The following FADS2 variants were observed in gnomAD, a reference collection of about 807,000 sequenced individuals.
FADS2 encodes acyl-CoA 6-desaturase.
FADS2 carries 18 observed loss-of-function variants against 61.2 expected under a neutral mutation model. That is an observed-to-expected ratio of 0.29 (90% CI 0.20 to 0.44). FADS2 has a LOEUF of 0.44. Among genes scored for constraint, FADS2 ranks in the 20% least tolerant of loss-of-function variants. FADS2 has a pLI of 1.00. For synonymous variants in FADS2, 203 were observed against 223.9 expected (o/e 0.91, Z 0.83); for missense variants, 322 against 572.7 (o/e 0.56, Z 4.47).
chr11:61,822,895 T>C (rs1388367319), intron 1 of FADS2, among the ~76,000 whole-genome samples: 4 of 152,236 alleles, frequency 2.6e-5, no homozygotes, highest in East Asian at 1.9e-4. Context: ...TTTTTGTATA[T>C]AGATATTGGT....
At chr11:61,827,024 C>A (rs1444747858), upstream of FADS2, among the ~76,000 whole-genome samples, 2 of 152,152 alleles carry the variant, frequency 1.3e-5, no homozygotes, top group Non-Finnish European at 2.9e-5. This position sits in a 1 kb window ranked among gnomAD's most constrained non-coding sequence, Gnocchi z 4.5. Context: ...AATCTGAGGG[C>A]CCTATAACTC....
At chr11:61,829,352 AGGTTACTCTCG>A (rs1188774107) in intron 1 of FADS2, 2 of 152,322 alleles carry the variant, frequency 1.3e-5, no homozygotes, top group East Asian at 3.9e-4. Context: ...TCTGCACTCG[AGGTTACTCTCG>A]GGCGTTCAAC....
upstream of FADS2, among the ~76,000 whole-genome samples, chr11:61,824,492 AAGAAAGAAAG>A (rs1565325432): frequency 5.7e-3 from 66 of 11,610 alleles, 3 homozygotes; most frequent in African/African-American, 9.5e-3. Context: ...GAGAGAGAGA[AAGAAAGAAAG>A]GAAAGAAAGA....
upstream of FADS2, among the ~76,000 whole-genome samples, chr11:61,826,930 A>T (rs1215040572): frequency 2.6e-5 from 4 of 152,152 alleles, no homozygotes; most frequent in Non-Finnish European, 5.9e-5. Context: ...ATGTAATAAT[A>T]TGCGTCCTGT....
chr11:61,817,024 C>G (rs965476130), intron 1 of FADS2: 1 of 1,306,124 alleles, frequency 7.7e-7, no homozygotes, highest in Non-Finnish European at 9.8e-7. Context: ...CCCTCGCGGG[C>G]TCCCTAAAGG....
At chr11:61,842,172 C>A (rs911482565) in intron 4 of FADS2, among the ~76,000 whole-genome samples, 3 of 152,202 alleles carry the variant, frequency 2.0e-5, no homozygotes, top group African/African-American at 7.2e-5. Flanking sequence ...ACCCAGACCG[C>A]AACGGGGCCC....
At chr11:61,824,488 G>GAAAGAAA (rs1460124325), upstream of FADS2, among the ~76,000 whole-genome samples, 10 of 54,254 alleles carry the variant, frequency 1.8e-4, 1 homozygote, top group African/African-American at 6.3e-4. Flanking sequence ...GAGAGAGAGA[G>GAAAGAAA]AGAAAGAAAG....
chr11:61,823,547 C>G (rs1591161076), upstream of FADS2, among the ~76,000 whole-genome samples: 1 of 152,164 alleles, frequency 6.6e-6, no homozygotes, highest in Admixed American at 6.5e-5. Flanking sequence ...GGGTCTTGCT[C>G]TGTCTTGCAC....
chr11:61,862,540 AGCCCTCTGTCCTG>A, intron 7 of FADS2: 6 of 198,850 alleles, frequency 3.0e-5, no homozygotes, highest in Admixed American at 1.1e-4. Flanking sequence ...TACCCCTCCA[AGCCCTCTGTCCTG>A]CTGGAAGGAG....
intron 5 of FADS2, among the ~76,000 whole-genome samples, chr11:61,852,787 G>A (rs1359534004): frequency 2.0e-5 from 3 of 151,972 alleles, no homozygotes; most frequent in South Asian, 4.1e-4. Context: ...ACGTCTCTTC[G>A]TAATTCTAGT....
chr11:61,837,495 C>T (rs2072113), intron 1 of FADS2, among the ~76,000 whole-genome samples: 23,561 of 152,168 alleles, frequency 0.15, 2,304 homozygotes, highest in East Asian at 0.41. Context: ...CACCATTTCC[C>T]GACCTGCCCA....
upstream of FADS2, among the ~76,000 whole-genome samples, chr11:61,824,192 A>C (rs779350750): frequency 5.9e-5 from 9 of 151,698 alleles, no homozygotes; most frequent in Non-Finnish European, 1.2e-4. Context: ...GACCAACCTC[A>C]CCAACATGGA....
chr11:61,857,358 T>C, intron 6 of FADS2, 96 bp from the exon 7 acceptor site: 1 of 1,127,114 alleles, frequency 8.9e-7, no homozygotes. Flanking sequence ...TCTGCAGGGC[T>C]GGCCCCTGCA....
At chr11:61,818,710 T>C (rs976028734) in intron 1 of FADS2, among the ~76,000 whole-genome samples, 7 of 152,232 alleles carry the variant, frequency 4.6e-5, no homozygotes, top group African/African-American at 1.7e-4. Flanking sequence ...TGATTACAAC[T>C]ATATAAGAAA....
At position 61,865,399 on chromosome 11, in the gene FADS2, GAGCCTGTGTT is replaced by G; in HGVS notation, c.1283+125_1283+134del. The stretch of plus-strand genomic sequence containing the variant: ...CCACCAGGGCACCTGCCTTACTCCC[GAGCCTGTGTT>G]AGGAGCTGTTGGGCTTTTCTCCCTG... On this transcript the variant is annotated intron_variant, in intron 11 of 11. Coordinates refer to ENST00000278840, the MANE Select transcript of FADS2 (RefSeq NM_004265.4). This position sits in a 1 kb window ranked among gnomAD's most constrained non-coding sequence, Gnocchi z 4.1. 1 of 1,288,116 alleles carries G rather than the reference GAGCCTGTGTT, an allele frequency of 7.8e-7. No homozygotes were observed. The highest frequency in any genetic ancestry group is 1.1e-6 in the Non-Finnish European group (1 of 939,054). The allele number at this position is 1,288,116 out of a possible 1,614,324, so 79.8% of individuals were successfully genotyped here.
At chr11:61,817,120 T>C (rs2066993994) in intron 1 of FADS2, 1 of 581,282 alleles carries the variant, frequency 1.7e-6, no homozygotes, top group South Asian at 3.2e-5. Flanking sequence ...ACAGCGGTTC[T>C]AGTGCAGGCC....
upstream of FADS2, among the ~76,000 whole-genome samples, chr11:61,825,683 G>A (rs1370089282): frequency 6.6e-6 from 1 of 151,388 alleles, no homozygotes; most frequent in African/African-American, 2.4e-5. Flanking sequence ...ACGAGGTCAG[G>A]AGATCGAGAC....
intron 4 of FADS2, chr11:61,846,446 G>C (rs923591187): frequency 6.7e-6 from 1 of 149,132 alleles, no homozygotes; most frequent in African/African-American, 2.5e-5. Flanking sequence ...CTCTCTCATG[G>C]GTTTTGAGGC....
intron 1 of FADS2, among the ~76,000 whole-genome samples, chr11:61,818,066 T>C (rs1453580193): frequency 1.3e-5 from 2 of 152,128 alleles, no homozygotes; most frequent in Non-Finnish European, 2.9e-5. Flanking sequence ...ATTACACTGG[T>C]ATTTGGGCAC....
Sources: allele counts gnomAD v4.1 joint callset (sites outside exome capture counted in the v4.1 genomes callset), GRCh38; gene constraint gnomAD v4.1.1; non-coding constraint Gnocchi (gnomAD v3.1); transcripts MANE v1.5; gene names NCBI Gene and HGNC (gene_info 2026-07-23, HGNC 2026-07-21).